DNAI1: variants seen among roughly 807,000 people sequenced by gnomAD.
The protein encoded by DNAI1 is dynein, axonemal, intermediate polypeptide 1.
A neutral mutation model predicts 92.0 loss-of-function variants in DNAI1; 67 were observed. The ratio of observed to expected loss-of-function variants is 0.73; its 90% CI spans 0.60 to 0.89. The LOEUF (loss-of-function observed/expected upper bound fraction) is 0.89, where lower values mean the gene tolerates loss of function less well. Ranked by LOEUF, DNAI1 falls within the 40% of genes least tolerant of loss-of-function variation. The pLI, the probability that DNAI1 is intolerant of heterozygous loss-of-function variation, is 0.00. For missense variants in DNAI1, 839 were observed against 866.6 expected (o/e 0.97, Z 0.40); for synonymous variants, 323 against 319.6 (o/e 1.01, Z -0.11).
chr9:34,491,944 C>T (rs1824608873), intron 8 of DNAI1, among the ~76,000 whole-genome samples: 1 of 152,204 alleles, frequency 6.6e-6, no homozygotes, highest in African/African-American at 2.4e-5. Context: ...CAGCAGCCTT[C>T]AGTGTTCCTG....
chr9:34,511,456 G>A (rs1825063168), intron 13 of DNAI1, among the ~76,000 whole-genome samples: 1 of 152,108 alleles, frequency 6.6e-6, no homozygotes, highest in Admixed American at 6.5e-5. Context: ...ACACTTCCTA[G>A]AGAAAGGCCA....
At chr9:34,512,251 T>C (rs1825079854) in intron 14 of DNAI1, 53 bp downstream of exon 14, 1 of 1,611,850 alleles carries the variant, frequency 6.2e-7, no homozygotes, top group African/African-American at 1.3e-5. Flanking sequence ...GGCAGGGAGC[T>C]AAATGGCAAA....
chr9:34,495,729 T>G (rs1824708858), intron 9 of DNAI1, among the ~76,000 whole-genome samples: 1 of 152,108 alleles, frequency 6.6e-6, no homozygotes, highest in Non-Finnish European at 1.5e-5. Context: ...AGGTAGAAGA[T>G]GCAGGGAGGG....
chr9:34,461,997 T>A (rs1030799561), intron 1 of DNAI1, among the ~76,000 whole-genome samples: 3 of 152,272 alleles, frequency 2.0e-5, no homozygotes, highest in African/African-American at 7.2e-5. Context: ...AGGACTGGGT[T>A]GCCAGGGGTG....
At chr9:34,461,347 G>A (rs1823948429) in intron 1 of DNAI1, among the ~76,000 whole-genome samples, 1 of 152,168 alleles carries the variant, frequency 6.6e-6, no homozygotes, top group Non-Finnish European at 1.5e-5. Context: ...TTAGTTGTAC[G>A]TGTTGACAAA....
intron 12 of DNAI1, among the ~76,000 whole-genome samples, chr9:34,503,284 A>G (rs1403728544): frequency 1.3e-5 from 2 of 152,190 alleles, no homozygotes; most frequent in East Asian, 1.9e-4. Context: ...TGGGAGTCCC[A>G]TGCTCTTGAG....
At chr9:34,505,633 C>G (rs1340020552) in intron 12 of DNAI1, among the ~76,000 whole-genome samples, 1 of 152,218 alleles carries the variant, frequency 6.6e-6, no homozygotes, top group Non-Finnish European at 1.5e-5. Flanking sequence ...TGTCTTGGAG[C>G]CAGTCCTGGG....
At chr9:34,483,534 T>G (rs2132056013) in intron 2 of DNAI1, 54 bp downstream of exon 2, 3 of 1,534,182 alleles carry the variant, frequency 2.0e-6, no homozygotes, top group Non-Finnish European at 2.7e-6. Context: ...GTGTTTTTTT[T>G]GTTGAAAATA....
chr9:34,517,924 A>C (rs1825201767), intron 19 of DNAI1, among the ~76,000 whole-genome samples: 1 of 152,206 alleles, frequency 6.6e-6, no homozygotes. Flanking sequence ...AGCCGCAAGG[A>C]GAGTAACTAG....
intron 1 of DNAI1, among the ~76,000 whole-genome samples, chr9:34,474,460 C>T (rs1824201473): frequency 6.6e-6 from 1 of 151,948 alleles, no homozygotes; most frequent in Non-Finnish European, 1.5e-5. Flanking sequence ...TGGTCTTGAA[C>T]CCCTGGACTC....
chr9:34,486,522 C>A (rs1393656956), intron 4 of DNAI1, among the ~76,000 whole-genome samples: 2 of 151,504 alleles, frequency 1.3e-5, no homozygotes, highest in East Asian at 3.9e-4. Context: ...TCAAAAGATT[C>A]AAAAAAAATG....
chr9:34,460,142 G>A (rs1405329869), intron 1 of DNAI1, among the ~76,000 whole-genome samples: 1 of 152,138 alleles, frequency 6.6e-6, no homozygotes, highest in South Asian at 2.1e-4. Context: ...CAGGAAACCC[G>A]AGTCATCCCC....
intron 12 of DNAI1, among the ~76,000 whole-genome samples, chr9:34,505,392 AC>A (rs539693893): frequency 7.9e-5 from 12 of 152,146 alleles, no homozygotes; most frequent in Non-Finnish European, 1.6e-4. Flanking sequence ...CCTTATAAGA[AC>A]CCTTGTGATT....
chr9:34,471,337 G>A lies in DNAI1; in HGVS notation c.49-12111G>A, dbSNP rs1238669843. ...CTACTTGAGAGGCTGAGGTGGGAGG[G>A]TCGCTTAAGCCCATGAAGTAAAGGC... On this transcript the variant is annotated intron_variant, in intron 1 of 19. Transcript: ENST00000242317. 2.0e-5 allele frequency among the ~76,000 whole-genome samples: 3 copies of A among 151,322 alleles called. No individual in the cohort carries two copies. In the Admixed American group the frequency reaches 2.0e-4, roughly 10 times the overall value.
At chr9:34,464,458 C>T (rs1824001243) in intron 1 of DNAI1, among the ~76,000 whole-genome samples, 2 of 152,096 alleles carry the variant, frequency 1.3e-5, no homozygotes, top group Non-Finnish European at 2.9e-5. Flanking sequence ...TCACACCCTC[C>T]CTCACACATG....
At chr9:34,476,571 A>G (rs1824241726) in intron 1 of DNAI1, among the ~76,000 whole-genome samples, 1 of 152,216 alleles carries the variant, frequency 6.6e-6, no homozygotes, top group Non-Finnish European at 1.5e-5. Flanking sequence ...TGCTAGAAGA[A>G]CAAGGGGGTT....
chr9:34,498,051 C>G (rs1824759952), intron 10 of DNAI1, among the ~76,000 whole-genome samples: 1 of 152,106 alleles, frequency 6.6e-6, no homozygotes, highest in East Asian at 1.9e-4. Context: ...CCGATGAGAG[C>G]AAGGCTGGAG....
intron 15 of DNAI1, 35 bp from the exon 16 acceptor site, chr9:34,513,077 A>G (rs756561709): frequency 6.3e-7 from 1 of 1,584,824 alleles, no homozygotes; most frequent in East Asian, 2.2e-5. Context: ...CCCTCTTGGA[A>G]CTGGGCTAAG....
intron 11 of DNAI1, 69 bp downstream of exon 11, chr9:34,500,908 C>G (rs536650160): frequency 1.3e-5 from 16 of 1,253,760 alleles, no homozygotes; most frequent in Admixed American, 5.0e-5. Flanking sequence ...CCCAGTACCC[C>G]CTTCTGCACT....
Sources: allele counts gnomAD v4.1 joint callset (sites outside exome capture counted in the v4.1 genomes callset), GRCh38; gene constraint gnomAD v4.1.1; transcripts MANE v1.5; gene names NCBI Gene and HGNC (gene_info 2026-07-23, HGNC 2026-07-21).